RNF220: variants seen among roughly 807,000 people sequenced by gnomAD.
RNF220 encodes E3 ubiquitin-protein ligase RNF220.
In RNF220, 7 loss-of-function variants were observed where a neutral mutation model predicts 67.1. The ratio of observed to expected loss-of-function variants is 0.10; its 90% CI spans 0.06 to 0.20. The LOEUF (loss-of-function observed/expected upper bound fraction) is 0.20. Among genes scored for constraint, RNF220 ranks in the 10% least tolerant of loss-of-function variants. The pLI, the probability that RNF220 is intolerant of heterozygous loss-of-function variation, is 1.00. For missense variants in RNF220, 565 were observed against 740.3 expected (o/e 0.76, Z 2.75); for synonymous variants, 270 against 283.2 (o/e 0.95, Z 0.47).
At chr1:44,489,279 T>A (rs1656635227) in intron 2 of RNF220, among the ~76,000 whole-genome samples, 1 of 152,206 alleles carries the variant, frequency 6.6e-6, no homozygotes, top group African/African-American at 2.4e-5. Flanking sequence ...TAAAATCTTA[T>A]ATAGACTACA....
At chr1:44,551,896 A>G (rs1001305689) in intron 2 of RNF220, among the ~76,000 whole-genome samples, 2 of 152,134 alleles carry the variant, frequency 1.3e-5, no homozygotes, top group African/African-American at 4.8e-5. Flanking sequence ...CTTTAGATCT[A>G]GTCTCCTCCT....
At chr1:44,554,378 G>A (rs985560831) in intron 2 of RNF220, among the ~76,000 whole-genome samples, 1 of 151,950 alleles carries the variant, frequency 6.6e-6, no homozygotes, top group East Asian at 1.9e-4. Context: ...TGTCCTTCTC[G>A]CCTACCCTTA....
chr1:44,423,505 A>G (rs1187531535), intron 2 of RNF220, among the ~76,000 whole-genome samples: 1 of 152,194 alleles, frequency 6.6e-6, no homozygotes, highest in African/African-American at 2.4e-5. Flanking sequence ...GTCACTAGAA[A>G]ATGCTTTCTG....
chr1:44,525,369 G>A (rs563896954), intron 2 of RNF220, among the ~76,000 whole-genome samples: 1 of 152,344 alleles, frequency 6.6e-6, no homozygotes, highest in South Asian at 2.1e-4. Context: ...GCCTAGCACA[G>A]CGCTCAGGGC....
At chr1:44,407,564 G>C (rs533647259) in intron 1 of RNF220, among the ~76,000 whole-genome samples, 12 of 152,216 alleles carry the variant, frequency 7.9e-5, no homozygotes, top group African/African-American at 2.4e-4. Context: ...GGCCGAGGAC[G>C]GGGCGGCGCC....
intron 4 of RNF220, among the ~76,000 whole-genome samples, chr1:44,623,577 A>C (rs547269877): frequency 6.6e-6 from 1 of 152,282 alleles, no homozygotes; most frequent in South Asian, 2.1e-4. Context: ...CCTTTTTCCC[A>C]TAATTATTCA....
At chr1:44,574,118 T>TGAATGGATGGATGAGTGAATGAAC (rs1464516956) in intron 2 of RNF220, among the ~76,000 whole-genome samples, 3 of 151,982 alleles carry the variant, frequency 2.0e-5, no homozygotes, top group Non-Finnish European at 2.9e-5. Context: ...AATAAATGAA[T>TGAATGGATGGATGAGTGAATGAAC]GAATGGATGG....
chr1:44,482,496 A>G (rs977064695), intron 2 of RNF220, among the ~76,000 whole-genome samples: 4 of 152,238 alleles, frequency 2.6e-5, no homozygotes, highest in Non-Finnish European at 5.9e-5. Context: ...GAATAGCTTC[A>G]GTGGAGCTAG....
intron 2 of RNF220, among the ~76,000 whole-genome samples, chr1:44,510,826 G>C (rs1201845242): frequency 6.6e-6 from 1 of 152,066 alleles, no homozygotes; most frequent in Non-Finnish European, 1.5e-5. Flanking sequence ...GGCTTAATAC[G>C]GTCAATGAAT....
intron 2 of RNF220, among the ~76,000 whole-genome samples, chr1:44,611,743 T>C (rs1240763391): frequency 1.3e-5 from 2 of 152,166 alleles, no homozygotes; most frequent in Non-Finnish European, 2.9e-5. Context: ...TCCTACTAAT[T>C]TGTGTTCTCC....
rs756999428 is a variant in RNF220 at position 44,622,768 on chromosome 1, T to G, written c.785T>G (p.Met262Arg). The change falls in exon 4 of 15, where the codon ATG (methionine) becomes AGG (arginine). Residue 262 changes from methionine (M) to arginine (R), a missense_variant. Coordinates refer to ENST00000361799, the MANE Select transcript of RNF220 (RefSeq NM_018150.4). This position sits in a 1 kb window ranked among gnomAD's most constrained non-coding sequence, Gnocchi z 4.3. ...AAGAATTCCCTTCTGAAGGATGCCA[T>G]GGCTCCAGGCACCCCAAAGGTAGGT... ...SSKNSLLKDA[M>R]APGTPKSLLL... is the part of the protein sequence containing the mutation. 1.2e-6 allele frequency: 2 copies of G among 1,614,050 alleles called. No homozygotes were observed. The highest frequency in any genetic ancestry group is 1.7e-6 in the Non-Finnish European group (2 of 1,179,936).
intron 2 of RNF220, among the ~76,000 whole-genome samples, chr1:44,419,026 T>G (rs1315291378): frequency 3.3e-5 from 5 of 152,160 alleles, no homozygotes; most frequent in African/African-American, 9.7e-5. Flanking sequence ...ATCCACAGGA[T>G]TTTTAAACAC....
intron 2 of RNF220, among the ~76,000 whole-genome samples, chr1:44,461,924 GTTTTTTTTTT>G (rs201661366): frequency 1.2e-4 from 15 of 123,560 alleles, no homozygotes; most frequent in South Asian, 2.7e-4. Context: ...TTTTTTCTTT[GTTTTTTTTTT>G]TTTTTTTTTT....
chr1:44,462,910 C>T (rs957115298), intron 2 of RNF220, among the ~76,000 whole-genome samples: 1 of 152,058 alleles, frequency 6.6e-6, no homozygotes, highest in African/African-American at 2.4e-5. Context: ...GCCTGTAGTC[C>T]CAGCTACTCA....
intron 7 of RNF220, 189 bp downstream of exon 7, chr1:44,635,777 C>CGGGGA: frequency 7.3e-7 from 1 of 1,374,674 alleles, no homozygotes; most frequent in African/African-American, 1.5e-5. Context: ...GTCTCAGCAG[C>CGGGGA]TTCTTCCCTT....
chr1:44,458,896 G>T (rs1653472106), intron 2 of RNF220, among the ~76,000 whole-genome samples: 1 of 152,156 alleles, frequency 6.6e-6, no homozygotes, highest in Admixed American at 6.5e-5. Context: ...CAGCTGGAAT[G>T]GAAAGTTTTA....
At chr1:44,512,735 G>A (rs757140737) in intron 2 of RNF220, among the ~76,000 whole-genome samples, 8 of 152,196 alleles carry the variant, frequency 5.3e-5, no homozygotes, top group Non-Finnish European at 1.0e-4. Flanking sequence ...AGGCATGCTG[G>A]GCAGCCTGGC....
intron 2 of RNF220, among the ~76,000 whole-genome samples, chr1:44,597,535 C>A (rs1666602687): frequency 6.6e-6 from 1 of 151,414 alleles, no homozygotes; most frequent in Non-Finnish European, 1.5e-5. Context: ...CTCCCTCTCT[C>A]ACGCTGTGCC....
intron 2 of RNF220, among the ~76,000 whole-genome samples, chr1:44,464,131 C>T (rs1164461905): frequency 6.6e-6 from 1 of 152,234 alleles, no homozygotes; most frequent in Non-Finnish European, 1.5e-5. Flanking sequence ...ATGTCAGCAG[C>T]TCTTGCCACA....
Sources: allele counts gnomAD v4.1 joint callset (sites outside exome capture counted in the v4.1 genomes callset), GRCh38; gene constraint gnomAD v4.1.1; non-coding constraint Gnocchi (gnomAD v3.1); transcripts MANE v1.5; gene names NCBI Gene and HGNC (gene_info 2026-07-23, HGNC 2026-07-21).